Variants in ZEB2 observed in about 807,000 individuals in gnomAD.
ZEB2 encodes the protein zinc finger E-box binding homeobox 2.
Under a neutral mutation model 99.9 loss-of-function variants are expected in ZEB2, and 6 were observed. That is an observed-to-expected ratio of 0.06 (90% confidence interval 0.03 to 0.12). The LOEUF (loss-of-function observed/expected upper bound fraction) is 0.12, where lower values mean the gene tolerates loss of function less well. Among genes scored for constraint, ZEB2 ranks in the 10% least tolerant of loss-of-function variants. The probability of loss-of-function intolerance (pLI) is 1.00; values close to 1 mark genes in which losing one functional copy is unlikely to be tolerated. For missense variants in ZEB2, 969 were observed against 1,502.8 expected, an observed-to-expected ratio of 0.64 and a Z score of 5.87; for synonymous variants, 517 against 542.5, an observed-to-expected ratio of 0.95 and a Z score of 0.65.
At chr2:144,496,571 C>T (rs1704762360) in intron 2 of ZEB2, 1 of 152,202 alleles carries the variant, frequency 6.6e-6, no homozygotes, top group African/African-American at 2.4e-5. Flanking sequence ...AAATGTCCTT[C>T]TAGTCAATGA....
chr2:144,389,404 C>A lies in ZEB2; in HGVS notation c.*47G>T. On this transcript the variant is annotated 3_prime_UTR_variant, in exon 10 of 10. Coordinates refer to ENST00000627532, the MANE Select transcript of ZEB2 (RefSeq NM_014795.4). This position sits in a 1 kb window ranked among gnomAD's most constrained non-coding sequence, Gnocchi z 6.8. ...CACAGCAGTGTTTTCAAGCAGGTAA[C>A]AATACTACTGGAAAAAAAAATAGGA... is the stretch of plus-strand genomic sequence containing the variant. The A allele has an allele frequency of 6.2e-7, 1 of 1,602,230 alleles. No homozygotes were observed. The highest frequency in any genetic ancestry group is 8.6e-7 in the Non-Finnish European group (1 of 1,169,506).
At chr2:144,517,801 T>C in intron 1 of ZEB2, 1 of 646,276 alleles carries the variant, frequency 1.5e-6, no homozygotes, top group Non-Finnish European at 2.8e-6. Flanking sequence ...TGAGGCGAGG[T>C]TTTCTTTTCG....
At chr2:144,499,254 T>C (rs1184997402) in intron 2 of ZEB2, among the ~76,000 whole-genome samples, 1 of 152,230 alleles carries the variant, frequency 6.6e-6, no homozygotes, top group Admixed American at 6.5e-5. Context: ...ATATTCTCAA[T>C]TCATTATTAA....
intron 3 of ZEB2, chr2:144,428,239 GC>G (rs1033808920): frequency 1.3e-5 from 2 of 152,046 alleles, no homozygotes; most frequent in Non-Finnish European, 2.9e-5. Flanking sequence ...GCTAACACCA[GC>G]TCATTTAAAT....
intron 2 of ZEB2, chr2:144,512,614 G>A (rs1427566660): frequency 3.1e-6 from 4 of 1,287,214 alleles, no homozygotes; most frequent in East Asian, 1.1e-4. Flanking sequence ...TGGTAACAGA[G>A]AAACAATGTA....
intron 2 of ZEB2, chr2:144,494,151 C>CAAAAAAAAAAAA (rs34945974): frequency 1.7e-5 from 1 of 57,888 alleles, no homozygotes; most frequent in Non-Finnish European, 2.9e-5. Context: ...GACTCCGTCT[C>CAAAAAAAAAAAA]AAAAAAAAAA....
intron 5 of ZEB2, 112 bp from the exon 6 acceptor site, chr2:144,404,242 C>T (rs1049762796): frequency 2.5e-6 from 3 of 1,178,226 alleles, no homozygotes; most frequent in African/African-American, 1.5e-5. Context: ...GCAATCTGCT[C>T]CACAGAGTGC....
intron 2 of ZEB2, chr2:144,494,466 A>G (rs1704731984): frequency 6.6e-6 from 1 of 152,210 alleles, no homozygotes. Flanking sequence ...ACATAATGTT[A>G]AATTGTTGTT....
At chr2:144,474,915 ATTAC>A (rs1704410359) in intron 2 of ZEB2, among the ~76,000 whole-genome samples, 1 of 152,228 alleles carries the variant, frequency 6.6e-6, no homozygotes, top group South Asian at 2.1e-4. Flanking sequence ...TATTACAAGA[ATTAC>A]TTTCTTACTT....
intron 2 of ZEB2, among the ~76,000 whole-genome samples, chr2:144,510,248 A>T (rs1705012626): frequency 6.6e-6 from 1 of 152,136 alleles, no homozygotes; most frequent in Non-Finnish European, 1.5e-5. Context: ...AAAATGGGAA[A>T]GTCTTTTCCA....
intron 4 of ZEB2, among the ~76,000 whole-genome samples, chr2:144,411,014 T>C (rs1381979837): frequency 3.5e-5 from 5 of 143,172 alleles, no homozygotes; most frequent in Non-Finnish European, 6.1e-5. Context: ...CGTTTGGAGA[T>C]ATATACACAT....
In ZEB2 at chr2:144,483,148, A is replaced by ATG. The variant is rs143910139; in HGVS notation, c.73+34129_73+34130insCA. On this transcript the variant is annotated intron_variant, in intron 2 of 9. Coordinates refer to ENST00000627532, the MANE Select transcript of ZEB2 (RefSeq NM_014795.4). ...CACACACACACACACACACACACACACACACACACACACACATACCCTAAG... is the reference window on the plus strand; with the variant it reads ...CACACACACACACACACACACACACATGCACACACACACACACATACCCTAAG... Among the ~76,000 whole-genome samples, 92 of 144,112 alleles carry ATG rather than the reference A, an allele frequency of 6.4e-4. No individual in the cohort carries two copies. The Admixed American group carries it at 6.5e-3, about 10-fold the overall frequency. 94.5% of individuals were successfully genotyped at this position (144,112 alleles called of 152,430 possible).
At position 144,399,329 on chromosome 2, in the gene ZEB2, T is replaced by C. The variant is rs760782001; in HGVS notation, c.1858A>G (p.Ile620Val). ...IKAVLQPHENIVPNKAGVFVD... is the reference protein window; with the variant it reads ...IKAVLQPHENVVPNKAGVFVD... ...AAAACTCCGGCTTTGTTGGGGACTA[T>C]GTTTTCATGAGGCTGCAGGACCGCC... Residue 620 changes from isoleucine (I) to valine (V), a missense_variant, in exon 8 of 10, where the codon ATA becomes GTA. Around this residue, in one of 8 missense-constraint regions of ZEB2, gnomAD observed 346 missense variants for 460.0 expected, o/e 0.75. Transcript: ENST00000627532. The surrounding 1 kb of genome is among the most constrained non-coding windows in gnomAD (Gnocchi z 5.6). 1.9e-6 allele frequency: 3 copies of C among 1,614,140 alleles called. No individual in the cohort carries two copies. Among genetic ancestry groups the C allele is most frequent in the South Asian group, 1.1e-5 (1 of 91,076 alleles).
chr2:144,412,746 C>T (rs1703482851), intron 4 of ZEB2, among the ~76,000 whole-genome samples: 1 of 152,238 alleles, frequency 6.6e-6, no homozygotes, highest in Non-Finnish European at 1.5e-5. Flanking sequence ...GCTTTCCTGA[C>T]TATCTCAGCC....
rs1198398576 is a variant in ZEB2, at chr2:144,398,592, G to A, written c.2595C>T (p.Ile865=). 6.2e-7 allele frequency: 1 copy of A among 1,614,162 alleles called. No homozygotes were observed. The highest frequency in any genetic ancestry group is 8.5e-7 in the Non-Finnish European group (1 of 1,180,018). Reference sequence around the variant, plus strand: ...TATTTGAATTTGAAAATTCCTTCTTGATAAAAGTCAAGTTCAGAGGCTCAT... The same window carrying A: ...TATTTGAATTTGAAAATTCCTTCTTAATAAAAGTCAAGTTCAGAGGCTCAT... ...NSDEPLNLTF[I]KKEFSNSNNL... The change falls in exon 8 of 10, where the codon ATC becomes ATT. Residue 865 remains isoleucine, a synonymous_variant. Coordinates refer to ENST00000627532, the MANE Select transcript of ZEB2 (RefSeq NM_014795.4).
intron 2 of ZEB2, among the ~76,000 whole-genome samples, chr2:144,435,405 T>C (rs2149893527): frequency 6.6e-6 from 1 of 152,048 alleles, no homozygotes; most frequent in East Asian, 1.9e-4. Flanking sequence ...GTCAGGAGTT[T>C]GTGATCAGCC....
At chr2:144,510,715 TCTTTCTC>T (rs1705021805) in intron 2 of ZEB2, among the ~76,000 whole-genome samples, 2 of 151,166 alleles carry the variant, frequency 1.3e-5, no homozygotes, top group South Asian at 2.1e-4. Context: ...TCTCTCTCTC[TCTTTCTC>T]TCTCTCTTTC....
intron 2 of ZEB2, among the ~76,000 whole-genome samples, chr2:144,438,719 C>T (rs1311956914): frequency 1.3e-5 from 2 of 152,122 alleles, no homozygotes; most frequent in African/African-American, 4.8e-5. Context: ...CTGAGAAAGG[C>T]ATGTAAAGTT....
chr2:144,492,036 G>A (rs1378112026), intron 2 of ZEB2, among the ~76,000 whole-genome samples: 14 of 152,174 alleles, frequency 9.2e-5, no homozygotes, highest in Admixed American at 9.2e-4. Flanking sequence ...AAGAGACCTT[G>A]TGCTTCTTCT....
Sources: allele counts gnomAD v4.1 joint callset (sites outside exome capture counted in the v4.1 genomes callset), GRCh38; gene constraint gnomAD v4.1.1; regional missense constraint gnomAD v4.1.1; non-coding constraint Gnocchi (gnomAD v3.1); transcripts MANE v1.5; gene names NCBI Gene and HGNC (gene_info 2026-07-23, HGNC 2026-07-21).